Variants in SGCZ observed in about 807,000 individuals in gnomAD.
The protein encoded by SGCZ is sarcoglycan zeta, also known as zeta-sarcoglycan.
In SGCZ, 40 loss-of-function variants were observed where a neutral mutation model predicts 41.3. The ratio of observed to expected loss-of-function variants is 0.97; its 90% CI spans 0.75 to 1.26. SGCZ has a LOEUF of 1.26. Ranked by LOEUF, SGCZ falls within the 50% of genes most tolerant of loss-of-function variation. The pLI, the probability that SGCZ is intolerant of heterozygous loss-of-function variation, is 0.00. For missense variants in SGCZ, 552 were observed against 369.8 expected (o/e 1.49, Z -4.04); for synonymous variants, 206 against 137.5 (o/e 1.50, Z -3.49).
chr8:14,969,411 G>A (rs1450719566), intron 1 of SGCZ, among the ~76,000 whole-genome samples: 1 of 151,952 alleles, frequency 6.6e-6, no homozygotes, highest in Admixed American at 6.5e-5. Context: ...TTAAAGTATA[G>A]AATTTGGAAA....
At chr8:14,969,588 G>C (rs1330132569) in intron 1 of SGCZ, among the ~76,000 whole-genome samples, 1 of 151,772 alleles carries the variant, frequency 6.6e-6, no homozygotes, top group Non-Finnish European at 1.5e-5. Flanking sequence ...TAGGTTAGTT[G>C]ACATTTGTTT....
At chr8:14,709,629 A>T (rs906059558) in intron 1 of SGCZ, among the ~76,000 whole-genome samples, 4 of 152,194 alleles carry the variant, frequency 2.6e-5, no homozygotes, top group African/African-American at 4.8e-5. Context: ...TAAAAATTAA[A>T]TTCAAAATAA....
chr8:15,218,747 G>A (rs1801497774), intron 1 of SGCZ, among the ~76,000 whole-genome samples: 1 of 152,162 alleles, frequency 6.6e-6, no homozygotes, highest in Non-Finnish European at 1.5e-5. Context: ...ATTGACGCAT[G>A]GATGGATAGT....
chr8:14,436,023 C>A (rs1190485056), intron 2 of SGCZ, among the ~76,000 whole-genome samples: 1 of 152,176 alleles, frequency 6.6e-6, no homozygotes, highest in African/African-American at 2.4e-5. Flanking sequence ...GATTACTAAG[C>A]AGGTATTATT....
intron 1 of SGCZ, among the ~76,000 whole-genome samples, chr8:14,702,974 C>T (rs61599781): frequency 0.34 from 27,589 of 80,924 alleles, 2,660 homozygotes; most frequent in East Asian, 0.53. Flanking sequence ...GATAGATAGA[C>T]AGACAGACAG....
At chr8:15,178,396 G>C (rs1241179455) in intron 1 of SGCZ, among the ~76,000 whole-genome samples, 1 of 151,976 alleles carries the variant, frequency 6.6e-6, no homozygotes, top group African/African-American at 2.4e-5. Context: ...ATTTCTCTAA[G>C]CCTCAATTAC....
intron 1 of SGCZ, among the ~76,000 whole-genome samples, chr8:15,064,325 T>C (rs1805044586): frequency 6.6e-6 from 1 of 152,122 alleles, no homozygotes; most frequent in Non-Finnish European, 1.5e-5. Context: ...GACATCATCA[T>C]TTTTTGTCAC....
At position 14,877,944 on chromosome 8, in the gene SGCZ, A is replaced by G. The variant is rs1246621610; in HGVS notation, c.40-323018T>C. ...TGAAATTGGGGAACTTTGTTAAATCAGTACTGTTGAGAAGTGGGCTGTACT... is the reference window on the plus strand; with the variant it reads ...TGAAATTGGGGAACTTTGTTAAATCGGTACTGTTGAGAAGTGGGCTGTACT... On this transcript the variant is annotated intron_variant, in intron 1 of 7. Coordinates refer to ENST00000382080, the MANE Select transcript of SGCZ (RefSeq NM_139167.4). Among the ~76,000 whole-genome samples the G allele has an allele frequency of 5.9e-5, 9 of 152,142 alleles. No homozygotes were observed. In the East Asian group the frequency reaches 1.2e-3, roughly 20 times the overall value.
At chr8:14,839,946 C>T (rs1802842176) in intron 1 of SGCZ, among the ~76,000 whole-genome samples, 2 of 151,992 alleles carry the variant, frequency 1.3e-5, no homozygotes. Flanking sequence ...GATGTATATT[C>T]TAATTTGTAG....
At chr8:14,222,117 T>A (rs1219314133) in intron 4 of SGCZ, among the ~76,000 whole-genome samples, 1 of 152,190 alleles carries the variant, frequency 6.6e-6, no homozygotes, top group Non-Finnish European at 1.5e-5. Context: ...GTACTTTAGC[T>A]TTAGTTGTTA....
At chr8:14,543,492 T>C (rs1803531618) in intron 2 of SGCZ, among the ~76,000 whole-genome samples, 1 of 152,172 alleles carries the variant, frequency 6.6e-6, no homozygotes, top group East Asian at 1.9e-4. Context: ...TAATTTAAAA[T>C]ACCCAGTTCA....
rs1194592571 is a variant in SGCZ, at chr8:15,238,369, C to A, written c.-746G>T. The A allele has an allele frequency of 6.6e-6, 1 of 152,220 alleles. No homozygotes were observed. The highest frequency in any genetic ancestry group is 1.5e-5 in the Non-Finnish European group (1 of 68,056). 9.4% of individuals were successfully genotyped at this position (152,220 alleles called of 1,614,324 possible). On this transcript the variant is annotated 5_prime_UTR_variant, in exon 1 of 8. Transcript: ENST00000382080. ...AGAGAAAAATTTTCCTCCTGCTTCGCTGTTTTACTGGCCTTCACCACCAGG... is the reference window on the plus strand; with the variant it reads ...AGAGAAAAATTTTCCTCCTGCTTCGATGTTTTACTGGCCTTCACCACCAGG...
At chr8:14,562,785 C>T (rs1036947581) in intron 1 of SGCZ, among the ~76,000 whole-genome samples, 1 of 151,868 alleles carries the variant, frequency 6.6e-6, no homozygotes, top group Non-Finnish European at 1.5e-5. Context: ...ACGACCAATA[C>T]CAACGTATAC....
chr8:14,891,759 A>C (rs1254050259), intron 1 of SGCZ, among the ~76,000 whole-genome samples: 1 of 152,174 alleles, frequency 6.6e-6, no homozygotes, highest in East Asian at 1.9e-4. Context: ...AATGCAGCAG[A>C]CTTTATTGTC....
chr8:14,612,089 A>G (rs1280810955), intron 1 of SGCZ, among the ~76,000 whole-genome samples: 1 of 152,130 alleles, frequency 6.6e-6, no homozygotes, highest in Non-Finnish European at 1.5e-5. Context: ...AGCTATGAAA[A>G]CGTATGTCTT....
intron 2 of SGCZ, among the ~76,000 whole-genome samples, chr8:14,411,103 T>C (rs541300927): frequency 6.6e-6 from 1 of 152,242 alleles, no homozygotes; most frequent in Non-Finnish European, 1.5e-5. Flanking sequence ...AATTAAAATA[T>C]CATTATGGCG....
chr8:14,890,232 AAGAGAGAG>A (rs772851427), intron 1 of SGCZ, among the ~76,000 whole-genome samples: 1 of 151,820 alleles, frequency 6.6e-6, no homozygotes, highest in Non-Finnish European at 1.5e-5. Context: ...GAAAGAAAGA[AAGAGAGAG>A]AGAAAGAGAG....
At chr8:14,982,256 G>A (rs1051138140) in intron 1 of SGCZ, among the ~76,000 whole-genome samples, 1 of 152,092 alleles carries the variant, frequency 6.6e-6, no homozygotes, top group African/African-American at 2.4e-5. Flanking sequence ...ATTGTCTCAA[G>A]GGACTGAATG....
At chr8:14,466,930 G>A (rs1801067566) in intron 2 of SGCZ, among the ~76,000 whole-genome samples, 1 of 151,590 alleles carries the variant, frequency 6.6e-6, no homozygotes, top group Middle Eastern at 3.4e-3. Flanking sequence ...TTTGTCTCGT[G>A]GATCTGTCAT....
Sources: gnomAD v4.1 joint callset for allele counts (sites outside exome capture counted in the v4.1 genomes callset) on GRCh38, gnomAD v4.1.1 for gene constraint, MANE v1.5 for transcripts, NCBI Gene and HGNC (gene_info 2026-07-23, HGNC 2026-07-21) for gene names.